SUZ12: variants seen among roughly 807,000 people sequenced by gnomAD.
SUZ12 encodes polycomb protein SUZ12.
SUZ12 carries 17 observed loss-of-function variants against 87.3 expected under a neutral mutation model. The ratio of observed to expected loss-of-function variants is 0.19; its 90% CI spans 0.13 to 0.29. SUZ12 has a LOEUF of 0.29. SUZ12 is among the 10% of genes least tolerant of loss of function. The pLI, the probability that SUZ12 is intolerant of heterozygous loss-of-function variation, is 1.00. For missense variants in SUZ12, 526 were observed against 912.2 expected (o/e 0.58, Z 5.45); for synonymous variants, 253 against 312.4 (o/e 0.81, Z 2.01).
At chr17:31,956,762 A>ATATATATG (rs901153029) in intron 4 of SUZ12, among the ~76,000 whole-genome samples, 10 of 151,666 alleles carry the variant, frequency 6.6e-5, no homozygotes, top group Admixed American at 4.6e-4. Flanking sequence ...GTGTGTGTGT[A>ATATATATG]TATATATGTA....
intron 1 of SUZ12, 118 bp downstream of exon 1, chr17:31,937,638 A>G (rs1906021129): frequency 7.4e-7 from 1 of 1,345,880 alleles, no homozygotes. Context: ...TGGAGGGAGG[A>G]ATTGAGGGGA....
chr17:31,964,978 A>G lies in SUZ12; in HGVS notation c.456-1169A>G, dbSNP rs1413363097. 2.6e-5 allele frequency among the ~76,000 whole-genome samples: 4 copies of G among 151,886 alleles called. No homozygotes were observed. The South Asian group carries it at 8.3e-4, about 32-fold the overall frequency. ...ACCTGGGCGAGAAGAGCGAAACTTCATCTCAAAAAAAAGAAAAAGAGGAGT... is the reference window on the plus strand; with the variant it reads ...ACCTGGGCGAGAAGAGCGAAACTTCGTCTCAAAAAAAAGAAAAAGAGGAGT... On this transcript the variant is annotated intron_variant, in intron 4 of 15. Transcript: ENST00000322652.
At chr17:31,943,633 T>C (rs994300955) in intron 3 of SUZ12, among the ~76,000 whole-genome samples, 4 of 152,070 alleles carry the variant, frequency 2.6e-5, no homozygotes, top group African/African-American at 9.7e-5. Flanking sequence ...TTGACCATGG[T>C]CCATAGTTTC....
chr17:31,987,920 CAA>C (rs1371567309), intron 9 of SUZ12, among the ~76,000 whole-genome samples: 1 of 148,548 alleles, frequency 6.7e-6, no homozygotes, highest in Non-Finnish European at 1.5e-5. Flanking sequence ...GCCTGGGCGA[CAA>C]GAGTGAAACT....
Position 31,947,600 on chromosome 17 carries a change from T to G in SUZ12, c.387-17T>G. The G allele has an allele frequency of 6.3e-7, 1 of 1,598,166 alleles. No individual in the cohort carries two copies. Among genetic ancestry groups the G allele is most frequent in the Non-Finnish European group, 8.5e-7 (1 of 1,171,088 alleles). The stretch of plus-strand genomic sequence containing the variant: ...CCCAGTTGAGAAGTGATTATTTTGT[T>G]TATCTGTTTCTTCCAGGAAAACATT... On this transcript the variant is annotated splice_polypyrimidine_tract_variant and intron_variant, in intron 3 of 15. Transcript: ENST00000322652.
chr17:31,979,015 A>G (rs1046421355), intron 8 of SUZ12, among the ~76,000 whole-genome samples: 4 of 148,854 alleles, frequency 2.7e-5, no homozygotes, highest in Non-Finnish European at 4.5e-5. Context: ...CTGAGGCAGG[A>G]GAATCGCTTG....
chr17:31,982,645 G>A (rs1319668872), intron 8 of SUZ12, among the ~76,000 whole-genome samples: 1 of 151,958 alleles, frequency 6.6e-6, no homozygotes, highest in East Asian at 1.9e-4. Flanking sequence ...GGTTGCAACA[G>A]AGCAAGACTC....
At chr17:31,953,994 G>T (rs1907145619) in intron 4 of SUZ12, among the ~76,000 whole-genome samples, 1 of 151,998 alleles carries the variant, frequency 6.6e-6, no homozygotes, top group Non-Finnish European at 1.5e-5. Flanking sequence ...TTACAGGTGT[G>T]AGCCACCGAG....
intron 7 of SUZ12, among the ~76,000 whole-genome samples, chr17:31,975,971 G>A (rs3963764): frequency 6.6e-6 from 1 of 152,094 alleles, no homozygotes; most frequent in African/African-American, 2.4e-5. Context: ...TTATCCCCCT[G>A]CCCATCCCTC....
chr17:31,998,327 C>G (rs191212825), intron 15 of SUZ12, among the ~76,000 whole-genome samples: 1 of 152,090 alleles, frequency 6.6e-6, no homozygotes. Flanking sequence ...GATCCACCCA[C>G]CTCGGCCTCC....
intron 4 of SUZ12, among the ~76,000 whole-genome samples, chr17:31,960,654 T>G (rs1350686501): frequency 6.6e-6 from 1 of 152,160 alleles, no homozygotes; most frequent in Non-Finnish European, 1.5e-5. Flanking sequence ...CTTGGCTCAC[T>G]GCAACGTCCG....
At chr17:31,955,105 T>C (rs1425402318) in intron 4 of SUZ12, among the ~76,000 whole-genome samples, 1 of 152,088 alleles carries the variant, frequency 6.6e-6, no homozygotes, top group Non-Finnish European at 1.5e-5. Context: ...ACTTTATTTT[T>C]TATTTTACTT....
intron 4 of SUZ12, among the ~76,000 whole-genome samples, chr17:31,962,903 G>T (rs1339211108): frequency 6.6e-6 from 1 of 152,212 alleles, no homozygotes; most frequent in Non-Finnish European, 1.5e-5. Context: ...CAAAGAGTAG[G>T]ATAGATTTGT....
chr17:31,966,263 TG>T (rs2142162139), intron 5 of SUZ12, 67 bp downstream of exon 5: 1 of 1,313,212 alleles, frequency 7.6e-7, no homozygotes, highest in African/African-American at 1.5e-5. Flanking sequence ...GTAAAAAAAG[TG>T]GGGCTTCTGA....
intron 5 of SUZ12, among the ~76,000 whole-genome samples, chr17:31,972,423 G>A (rs1292263839): frequency 2.7e-5 from 4 of 149,944 alleles, no homozygotes; most frequent in Admixed American, 1.3e-4. Context: ...ATGTGTAGAT[G>A]TGTTTTAGAG....
chr17:31,953,342 C>T (rs977284052), intron 4 of SUZ12, among the ~76,000 whole-genome samples: 1 of 152,096 alleles, frequency 6.6e-6, no homozygotes, highest in Non-Finnish European at 1.5e-5. Context: ...AACTCCTGAC[C>T]TCAGGTGGTC....
At chr17:31,956,057 C>T (rs1287506603) in intron 4 of SUZ12, among the ~76,000 whole-genome samples, 1 of 151,898 alleles carries the variant, frequency 6.6e-6, no homozygotes, top group Non-Finnish European at 1.5e-5. Context: ...GGACTATAGG[C>T]GCCTGCCACC....
chr17:31,976,837 G>A (rs1331611263), intron 8 of SUZ12, among the ~76,000 whole-genome samples: 3 of 152,102 alleles, frequency 2.0e-5, no homozygotes, highest in South Asian at 2.1e-4. Context: ...CTTATTTGGC[G>A]AATATTTTCT....
In SUZ12 at chr17:32,000,024, A is replaced by G. The variant is rs1165173810; in HGVS notation, c.*1021A>G. On this transcript the variant is annotated 3_prime_UTR_variant, in exon 16 of 16. Transcript: ENST00000322652. ...AAGCTGACTTGAATCATTTTGAGCA[A>G]TTTTGCCCTGTGTTATATGTGTTTC... is the stretch of plus-strand genomic sequence containing the variant. 1.3e-5 allele frequency: 3 copies of G among 232,692 alleles called. No homozygotes were observed. Among genetic ancestry groups the G allele is most frequent in the African/African-American group, 2.2e-5 (1 of 45,276 alleles). 14.4% of individuals were successfully genotyped at this position (232,692 alleles called of 1,614,324 possible).
Sources: allele counts gnomAD v4.1 joint callset (sites outside exome capture counted in the v4.1 genomes callset), GRCh38; gene constraint gnomAD v4.1.1; transcripts MANE v1.5; gene names NCBI Gene and HGNC (gene_info 2026-07-23, HGNC 2026-07-21).